The following HMCN1 variants were observed in gnomAD, a reference collection of about 807,000 sequenced individuals.
HMCN1 encodes the protein hemicentin 1.
A neutral mutation model predicts 625.9 loss-of-function variants in HMCN1; 321 were observed. The observed-to-expected ratio is 0.51, with a 90% CI of 0.47 to 0.56. HMCN1 has a LOEUF of 0.56. Ranked by LOEUF, HMCN1 falls within the 20% of genes least tolerant of loss-of-function variation. The pLI is 0.00. For synonymous variants in HMCN1, 2,425 were observed against 2,417.6 expected (o/e 1.00, Z -0.09); for missense variants, 6,588 against 6,887.3 (o/e 0.96, Z 1.54).
intron 23 of HMCN1, 52 bp from the exon 24 acceptor site, chr1:185,994,763 A>G: frequency 6.4e-7 from 1 of 1,565,452 alleles, no homozygotes; most frequent in Non-Finnish European, 8.8e-7. Flanking sequence ...AAAGTGAGTA[A>G]AGAAAGGAAT....
intron 105 of HMCN1, among the ~76,000 whole-genome samples, chr1:186,184,495 T>C (rs1009295693): frequency 7.2e-5 from 11 of 152,150 alleles, no homozygotes; most frequent in African/African-American, 2.7e-4. Flanking sequence ...CAATCAAGAA[T>C]TGCCTAAGAC....
At chr1:186,080,657 A>C (rs1171230675) in intron 55 of HMCN1, among the ~76,000 whole-genome samples, 1 of 152,164 alleles carries the variant, frequency 6.6e-6, no homozygotes, top group Non-Finnish European at 1.5e-5. Context: ...GTTGGGGCCC[A>C]AGAATTTGCA....
At chr1:186,159,105 A>C (rs1434973988) in intron 97 of HMCN1, among the ~76,000 whole-genome samples, 55 of 151,512 alleles carry the variant, frequency 3.6e-4, no homozygotes, top group East Asian at 1.2e-3. Context: ...CTTTTATTTC[A>C]TTGAGCAGTG....
chr1:185,927,011 A>C (rs934442565), intron 9 of HMCN1, among the ~76,000 whole-genome samples: 1 of 152,214 alleles, frequency 6.6e-6, no homozygotes, highest in Non-Finnish European at 1.5e-5. Flanking sequence ...GTATAACTGT[A>C]AAGAACATTC....
chr1:185,899,417 A>C (rs949862183), intron 4 of HMCN1, among the ~76,000 whole-genome samples: 4 of 152,176 alleles, frequency 2.6e-5, no homozygotes, highest in Non-Finnish European at 5.9e-5. Flanking sequence ...TCAGATGTTA[A>C]CAAAATTGTT....
At chr1:185,852,496 T>C (rs1389840806) in intron 2 of HMCN1, among the ~76,000 whole-genome samples, 1 of 151,756 alleles carries the variant, frequency 6.6e-6, no homozygotes, top group East Asian at 1.9e-4. Context: ...TTTTTGGACA[T>C]GATTAGACAT....
chr1:186,103,623 G>A lies in HMCN1; in HGVS notation c.10725G>A (p.Val3575=). 1 of 1,613,808 alleles carries A rather than the reference G, an allele frequency of 6.2e-7. No homozygotes were observed. Among genetic ancestry groups the A allele is most frequent in the Non-Finnish European group, 8.5e-7 (1 of 1,179,788 alleles). Residue 3575 remains valine, a synonymous_variant, in exon 69 of 107, where the codon GTG becomes GTA. Coordinates refer to ENST00000271588, the MANE Select transcript of HMCN1 (RefSeq NM_031935.3). ...DGRPLPQTDQ[V]QTLGGGEVLR... Reference sequence around the variant, plus strand: ...GGCCCCTTCCACAGACGGATCAAGTGCAAACTCTAGGAGGAGGAGAGGTTC... The same window carrying A: ...GGCCCCTTCCACAGACGGATCAAGTACAAACTCTAGGAGGAGGAGAGGTTC...
At chr1:186,024,373 T>A (rs756128809) in intron 36 of HMCN1, among the ~76,000 whole-genome samples, 4 of 152,128 alleles carry the variant, frequency 2.6e-5, no homozygotes, top group Non-Finnish European at 5.9e-5. Flanking sequence ...TACACTTCCA[T>A]CTAAGAGTAT....
chr1:185,808,372 A>G (rs1286214330), intron 1 of HMCN1, among the ~76,000 whole-genome samples: 1 of 151,900 alleles, frequency 6.6e-6, no homozygotes, highest in Non-Finnish European at 1.5e-5. Flanking sequence ...AAAAAATAAA[A>G]AGTAAAAATG....
chr1:186,108,677 T>A, intron 71 of HMCN1, 80 bp downstream of exon 71: 1 of 1,503,476 alleles, frequency 6.7e-7, no homozygotes, highest in South Asian at 1.2e-5. Context: ...CTTTGCTGGG[T>A]ACACAAAACC....
At chr1:186,097,363 G>C (rs1213009126) in intron 68 of HMCN1, among the ~76,000 whole-genome samples, 2 of 152,074 alleles carry the variant, frequency 1.3e-5, no homozygotes, top group African/African-American at 4.8e-5. Flanking sequence ...ATTGGATGTG[G>C]AATCTGCAGA....
chr1:185,862,268 CA>C (rs1439644851), intron 2 of HMCN1, among the ~76,000 whole-genome samples: 1 of 151,662 alleles, frequency 6.6e-6, no homozygotes, highest in African/African-American at 2.4e-5. Context: ...TTACTGCAGG[CA>C]AAATAAAGTT....
In HMCN1 at chr1:185,898,448, T is replaced by C. The variant is rs115336645; in HGVS notation, c.622-10889T>C. On this transcript the variant is annotated intron_variant, in intron 4 of 106. Coordinates refer to ENST00000271588, the MANE Select transcript of HMCN1 (RefSeq NM_031935.3). The stretch of plus-strand genomic sequence containing the variant: ...AATTTGCTAACAGCAAAAGTAACAA[T>C]GCCAATTAAACTGTAAGCAGACTTT... 8.4e-3 allele frequency among the ~76,000 whole-genome samples: 1,275 copies of C among 152,014 alleles called. 15 individuals carry two copies. Among genetic ancestry groups the C allele is most frequent in the African/African-American group, 0.029 (1,203 of 41,292 alleles).
intron 24 of HMCN1, among the ~76,000 whole-genome samples, chr1:185,995,929 G>GAGTATTAGT (rs1458752052): frequency 6.6e-6 from 1 of 152,112 alleles, no homozygotes; most frequent in Non-Finnish European, 1.5e-5. Context: ...GCGCTGTACT[G>GAGTATTAGT]AGTATTAGTA....
chr1:186,114,974 G>A lies in HMCN1; in HGVS notation c.11404+28G>A, dbSNP rs372994903. On this transcript the variant is annotated intron_variant, in intron 74 of 106. Coordinates refer to ENST00000271588, the MANE Select transcript of HMCN1 (RefSeq NM_031935.3). Reference sequence around the variant, plus strand: ...AAATATCCGTTTATAGACAACATCCGGTCTCTGTGTCAAATGCTCTTTGAT... The same window carrying A: ...AAATATCCGTTTATAGACAACATCCAGTCTCTGTGTCAAATGCTCTTTGAT... 20 of 1,613,806 alleles carry A rather than the reference G, an allele frequency of 1.2e-5. 1 individual carries two copies. Among genetic ancestry groups the A allele is most frequent in the South Asian group, 5.5e-5 (5 of 91,066 alleles).
intron 103 of HMCN1, among the ~76,000 whole-genome samples, chr1:186,176,171 T>C (rs1302250554): frequency 6.6e-6 from 1 of 152,178 alleles, no homozygotes; most frequent in Non-Finnish European, 1.5e-5. Flanking sequence ...TAAAATTTTA[T>C]GTGTTTGGTG....
chr1:185,802,180 A>G (rs1237772382), intron 1 of HMCN1, among the ~76,000 whole-genome samples: 1 of 152,138 alleles, frequency 6.6e-6, no homozygotes. Flanking sequence ...GGGGTGAATC[A>G]TGTCAACACC....
chr1:186,088,786 A>G (rs1659678597), intron 63 of HMCN1, 31 bp downstream of exon 63: 3 of 1,583,106 alleles, frequency 1.9e-6, no homozygotes, highest in Non-Finnish European at 1.7e-6. Context: ...TCTATCTTCA[A>G]TTTCTTTGTT....
intron 1 of HMCN1, among the ~76,000 whole-genome samples, chr1:185,761,502 C>T (rs986007799): frequency 1.3e-5 from 2 of 152,140 alleles, no homozygotes; most frequent in African/African-American, 2.4e-5. Flanking sequence ...AGTGGTATCT[C>T]AACTCATTCA....
Sources: gnomAD v4.1 joint callset for allele counts (sites outside exome capture counted in the v4.1 genomes callset) on GRCh38, gnomAD v4.1.1 for gene constraint, MANE v1.5 for transcripts, NCBI Gene and HGNC (gene_info 2026-07-23, HGNC 2026-07-21) for gene names.